PTPN13: variants seen among roughly 807,000 people sequenced by gnomAD.
The protein encoded by PTPN13 is protein tyrosine phosphatase non-receptor type 13, also known as tyrosine-protein phosphatase non-receptor type 13.
A neutral mutation model predicts 284.0 loss-of-function variants in PTPN13; 191 were observed. The observed-to-expected ratio is 0.67, with a 90% CI of 0.60 to 0.76. PTPN13 has a LOEUF of 0.76. PTPN13 is among the 30% of genes least tolerant of loss of function. PTPN13 has a pLI of 0.00. For synonymous variants in PTPN13, 986 were observed against 1,022.3 expected (o/e 0.96, Z 0.68); for missense variants, 2,797 against 2,939.9 (o/e 0.95, Z 1.12).
At chr4:86,702,675 A>G (rs1263505971) in intron 7 of PTPN13, among the ~76,000 whole-genome samples, 1 of 152,142 alleles carries the variant, frequency 6.6e-6, no homozygotes, top group Non-Finnish European at 1.5e-5. Context: ...GATAGAGGCT[A>G]TTTTCAGTAT....
chr4:86,671,348 A>T, intron 2 of PTPN13, among the ~76,000 whole-genome samples: 1 of 152,148 alleles, frequency 6.6e-6, no homozygotes, highest in East Asian at 1.9e-4. Context: ...TGATATCAGT[A>T]TAATTTATTC....
chr4:86,734,764 C>T lies in PTPN13; in HGVS notation c.2040C>T (p.Tyr680=), dbSNP rs1578528729. 11 of 1,613,106 alleles carry T rather than the reference C, an allele frequency of 6.8e-6. No individual in the cohort carries two copies. Among genetic ancestry groups the T allele is most frequent in the Non-Finnish European group, 8.5e-6 (10 of 1,179,360 alleles). ...ATACTCTGACGTGTCATCAGTATTACCTTCAGCTTCGAAAAGATATTTTGG... is the reference window on the plus strand; with the variant it reads ...ATACTCTGACGTGTCATCAGTATTATCTTCAGCTTCGAAAAGATATTTTGG... ...IQHTLTCHQY[Y]LQLRKDILEE... Residue 680 remains tyrosine (Y), a synonymous_variant, in exon 14 of 48, where the codon TAC becomes TAT. Transcript: ENST00000411767.
chr4:86,780,304 G>A (rs1321827168), intron 35 of PTPN13, 98 bp from the exon 36 acceptor site: 9 of 934,572 alleles, frequency 9.6e-6, no homozygotes, highest in Admixed American at 4.0e-5. Context: ...GGAGGCTGAG[G>A]TGGGAGCATT....
chr4:86,606,395 G>A (rs1221952901), intron 1 of PTPN13, among the ~76,000 whole-genome samples: 1 of 151,776 alleles, frequency 6.6e-6, no homozygotes, highest in Non-Finnish European at 1.5e-5. Flanking sequence ...GCCCCAGTGT[G>A]ACTTTACTGT....
chr4:86,611,833 TC>T (rs1719921190), intron 1 of PTPN13, among the ~76,000 whole-genome samples: 1 of 152,120 alleles, frequency 6.6e-6, no homozygotes, highest in African/African-American at 2.4e-5. Flanking sequence ...CTACAGATGG[TC>T]CCCTTTGAGT....
At chr4:86,762,687 C>T (rs754364045) in intron 23 of PTPN13, 40 bp from the exon 24 acceptor site, 1 of 1,438,220 alleles carries the variant, frequency 7.0e-7, no homozygotes, top group Non-Finnish European at 9.6e-7. Context: ...GCACGTGTAT[C>T]ACTAACTTGT....
At chr4:86,661,243 A>G in intron 2 of PTPN13, 2 of 284,242 alleles carry the variant, frequency 7.0e-6, no homozygotes, top group Non-Finnish European at 1.4e-5. Context: ...CATACAATGT[A>G]AACTCTTGGG....
rs1482775574 is a variant in PTPN13 at position 86,762,752 on chromosome 4, C to T, written c.3579C>T (p.Thr1193=). The change falls in exon 24 of 48, where the codon ACC becomes ACT. Residue 1193 remains threonine, a synonymous_variant. Coordinates refer to ENST00000411767, the MANE Select transcript of PTPN13 (RefSeq NM_080683.3). ...TGCCTTCTACTCCTGTGCATCTCAC[C>T]AATGAGATGAAAAACTACATGAAGA... ...SKVPSTPVHL[T]NEMKNYMKKS... is the part of the protein sequence containing the mutation. The T allele has an allele frequency of 1.2e-6, 2 of 1,602,020 alleles. No individual in the cohort carries two copies. The highest frequency in any genetic ancestry group is 1.7e-5 in the Admixed American group (1 of 59,848).
At chr4:86,603,898 T>C (rs1398011674) in intron 1 of PTPN13, among the ~76,000 whole-genome samples, 1 of 152,104 alleles carries the variant, frequency 6.6e-6, no homozygotes, top group Admixed American at 6.5e-5. Flanking sequence ...TTGGTACTTT[T>C]GTGCTTTGCA....
At chr4:86,776,166 G>A (rs1411261283) in intron 35 of PTPN13, among the ~76,000 whole-genome samples, 2 of 152,074 alleles carry the variant, frequency 1.3e-5, no homozygotes, top group Non-Finnish European at 2.9e-5. Context: ...GGCTGGTCTC[G>A]AACTCCTGAC....
Position 86,762,664 on chromosome 4 carries a change from T to C in PTPN13, c.3554-63T>C, listed in dbSNP as rs559150006. On this transcript the variant is annotated intron_variant, in intron 23 of 47. Transcript: ENST00000411767. ...TTCCAACAATCTTCAAGAAACATTGTGTATGTGTGTAAGCACGTGTATCAC... is the reference window on the plus strand; with the variant it reads ...TTCCAACAATCTTCAAGAAACATTGCGTATGTGTGTAAGCACGTGTATCAC... The C allele has an allele frequency of 5.4e-5, 65 of 1,207,562 alleles. 1 individual carries two copies. The African/African-American group carries it at 9.2e-4, about 17-fold the overall frequency. 74.8% of individuals were successfully genotyped at this position (1,207,562 alleles called of 1,614,324 possible). A position where few individuals can be genotyped will look rare whatever the true frequency, so the allele number is the denominator to read the frequency against.
Position 86,717,080 on chromosome 4 carries a change from G to A in PTPN13, c.1348G>A (p.Asp450Asn), listed in dbSNP as rs760780571. 1.2e-6 allele frequency: 2 copies of A among 1,612,900 alleles called. No individual in the cohort carries two copies. The highest frequency in any genetic ancestry group is 1.3e-5 in the African/African-American group (1 of 74,884). ...FESSSGLPGV[D>N]ETLSQGQSQR... ...ATCCAGCAGTGGTCTCCCAGGGGTA[G>A]ATGAAACCTTAAGTCAAGGCCAGTC... The change falls in exon 9 of 48, where the codon GAT becomes AAT. Residue 450 changes from aspartate to asparagine, a missense_variant. Coordinates refer to ENST00000411767, the MANE Select transcript of PTPN13 (RefSeq NM_080683.3).
chr4:86,670,541 T>C (rs538386813), intron 2 of PTPN13, among the ~76,000 whole-genome samples: 8 of 152,050 alleles, frequency 5.3e-5, no homozygotes, highest in African/African-American at 1.9e-4. Flanking sequence ...CTCTGAAATA[T>C]CTTCAGTTAC....
intron 40 of PTPN13, 53 bp from the exon 41 acceptor site, chr4:86,796,821 C>A: frequency 8.6e-7 from 1 of 1,163,252 alleles, no homozygotes; most frequent in Non-Finnish European, 1.2e-6. Context: ...AAATAGTATG[C>A]GATTTTTTTT....
chr4:86,696,057 A>T (rs1730558843), intron 6 of PTPN13, among the ~76,000 whole-genome samples: 1 of 151,988 alleles, frequency 6.6e-6, no homozygotes, highest in South Asian at 2.1e-4. Context: ...CAGAGGCTTA[A>T]TGTTTCAGAA....
intron 42 of PTPN13, among the ~76,000 whole-genome samples, chr4:86,801,063 G>A (rs1212154604): frequency 6.6e-6 from 1 of 152,166 alleles, no homozygotes; most frequent in Admixed American, 6.5e-5. Flanking sequence ...AGCTACACTT[G>A]TGCAGTCTAT....
chr4:86,604,599 A>C (rs965489024), intron 1 of PTPN13, among the ~76,000 whole-genome samples: 11 of 152,028 alleles, frequency 7.2e-5, no homozygotes, highest in Non-Finnish European at 1.5e-4. Context: ...TAAAGGAAAC[A>C]AAATAGGTAA....
At chr4:86,701,131 C>A in intron 6 of PTPN13, 110 bp from the exon 7 acceptor site, 1 of 759,094 alleles carries the variant, frequency 1.3e-6, no homozygotes, top group Non-Finnish European at 2.1e-6. Flanking sequence ...TCTGATCTTC[C>A]ATTTGGAGCA....
intron 2 of PTPN13, among the ~76,000 whole-genome samples, chr4:86,651,367 GTAGT>G (rs1405482128): frequency 6.6e-6 from 1 of 151,904 alleles, no homozygotes; most frequent in South Asian, 2.1e-4. Flanking sequence ...ATATTGGCCT[GTAGT>G]TAGTTTGTTT....
Sources: allele counts gnomAD v4.1 joint callset (sites outside exome capture counted in the v4.1 genomes callset), GRCh38; gene constraint gnomAD v4.1.1; transcripts MANE v1.5; gene names NCBI Gene and HGNC (gene_info 2026-07-23, HGNC 2026-07-21).